The following ARMC10 variants were observed in gnomAD, a reference collection of about 807,000 sequenced individuals.
ARMC10 encodes armadillo repeat containing 10.
In ARMC10, 23 loss-of-function variants were observed where a neutral mutation model predicts 30.2. That is an observed-to-expected ratio of 0.76 (90% CI 0.55 to 1.08). The LOEUF (loss-of-function observed/expected upper bound fraction) is 1.08. Ranked by LOEUF, ARMC10 falls within the 50% of genes least tolerant of loss-of-function variation. ARMC10 has a pLI of 0.00. For synonymous variants in ARMC10, 111 were observed against 164.4 expected, an observed-to-expected ratio of 0.68 and a Z score of 2.48; for missense variants, 303 against 413.7, an observed-to-expected ratio of 0.73 and a Z score of 2.32.
chr7:103,095,160 G>C (rs1042262948), intron 5 of ARMC10, among the ~76,000 whole-genome samples: 1 of 152,174 alleles, frequency 6.6e-6, no homozygotes, highest in Non-Finnish European at 1.5e-5. Context: ...GATTGCAGTG[G>C]CATGATCTCT....
At chr7:103,081,448 T>G (rs1334218372) in intron 2 of ARMC10, among the ~76,000 whole-genome samples, 1 of 152,260 alleles carries the variant, frequency 6.6e-6, no homozygotes, top group Non-Finnish European at 1.5e-5. Context: ...CTCAGCTTAC[T>G]GCAACCTCTG....
chr7:103,077,855 T>C (rs929352065), intron 2 of ARMC10, among the ~76,000 whole-genome samples: 1 of 152,208 alleles, frequency 6.6e-6, no homozygotes, highest in African/African-American at 2.4e-5. Flanking sequence ...ATAATCATCA[T>C]TATCTTAGGT....
chr7:103,094,220 C>G (rs1469312917), intron 5 of ARMC10, among the ~76,000 whole-genome samples: 2 of 136,398 alleles, frequency 1.5e-5, no homozygotes, highest in Non-Finnish European at 3.4e-5. Context: ...TGATTGATAA[C>G]TTAATGCAGA....
At chr7:103,097,412 T>G (rs1801846399) in intron 6 of ARMC10, 64 bp downstream of exon 6, 2 of 1,211,092 alleles carry the variant, frequency 1.7e-6, no homozygotes, top group East Asian at 5.0e-5. Flanking sequence ...GACAGACAGA[T>G]CTGGAAAGAT....
intron 5 of ARMC10, among the ~76,000 whole-genome samples, chr7:103,094,300 G>A (rs1563330616): frequency 6.6e-6 from 1 of 152,152 alleles, no homozygotes; most frequent in East Asian, 1.9e-4. Flanking sequence ...GGTTTAAAAT[G>A]TCCTAGTGTC....
chr7:103,093,090 G>T (rs1333846778), intron 5 of ARMC10, among the ~76,000 whole-genome samples: 1 of 152,228 alleles, frequency 6.6e-6, no homozygotes, highest in Admixed American at 6.5e-5. Flanking sequence ...ACTCTGTCCA[G>T]TTAGGTTGAT....
chr7:103,081,943 T>C lies in ARMC10; in HGVS notation c.245-1739T>C, dbSNP rs1800420885. On this transcript the variant is annotated intron_variant, in intron 2 of 6. Coordinates refer to ENST00000323716, the MANE Select transcript of ARMC10 (RefSeq NM_031905.5). ...TTACTTGTAACTTTGATTTTTCATT[T>C]CTGTGGTTTCTGCTACTAACTACCC... is the stretch of plus-strand genomic sequence containing the variant. 6.6e-6 allele frequency: 3 copies of C among 456,534 alleles called. No individual in the cohort carries two copies. The East Asian group carries it at 2.1e-4, about 32-fold the overall frequency. The allele number at this position is 456,534 out of a possible 1,614,324, so 28.3% of individuals were successfully genotyped here.
intron 5 of ARMC10, chr7:103,095,941 G>C (rs1472531505): frequency 6.7e-6 from 1 of 149,010 alleles, no homozygotes; most frequent in Non-Finnish European, 1.5e-5. Context: ...TTGTGGGGTG[G>C]GGGGAGGGGG....
At chr7:103,097,823 G>A (rs1801882393) in intron 6 of ARMC10, among the ~76,000 whole-genome samples, 1 of 152,192 alleles carries the variant, frequency 6.6e-6, no homozygotes, top group Non-Finnish European at 1.5e-5. Flanking sequence ...GCTGTGATAA[G>A]TGTTCTGAAT....
In ARMC10 at chr7:103,083,914, C is replaced by G. The variant is rs935850072; in HGVS notation, c.393+84C>G. 5 of 1,536,376 alleles carry G rather than the reference C, an allele frequency of 3.3e-6. No individual in the cohort carries two copies. In the South Asian group the frequency reaches 4.7e-5, roughly 14 times the overall value. The stretch of plus-strand genomic sequence containing the variant: ...TGACCCTGAATAAATTACTTAACCT[C>G]TCAGACCCTCAATTTCCTCATCTGT... On this transcript the variant is annotated intron_variant, in intron 3 of 6. Coordinates refer to ENST00000323716, the MANE Select transcript of ARMC10 (RefSeq NM_031905.5).
chr7:103,081,494 C>T (rs1204379029), intron 2 of ARMC10, among the ~76,000 whole-genome samples: 2 of 152,194 alleles, frequency 1.3e-5, no homozygotes, highest in Non-Finnish European at 2.9e-5. Context: ...GCCTCGGCCT[C>T]CCGAGTACCT....
At chr7:103,077,545 A>G (rs1238415453) in intron 2 of ARMC10, among the ~76,000 whole-genome samples, 1 of 152,196 alleles carries the variant, frequency 6.6e-6, no homozygotes, top group Non-Finnish European at 1.5e-5. Flanking sequence ...TAAAGCCACC[A>G]GTCCTGCTCA....
At chr7:103,084,962 A>G (rs911106822) in intron 3 of ARMC10, among the ~76,000 whole-genome samples, 1 of 152,228 alleles carries the variant, frequency 6.6e-6, no homozygotes, top group African/African-American at 2.4e-5. Flanking sequence ...GCTAAGTAGC[A>G]GGGATGGCTG....
chr7:103,077,072 T>C (rs1037643471), intron 2 of ARMC10, among the ~76,000 whole-genome samples: 9 of 152,020 alleles, frequency 5.9e-5, no homozygotes, highest in Non-Finnish European at 1.3e-4. Context: ...TTTTTCCAAT[T>C]TTTTAGGAGA....
intron 5 of ARMC10, chr7:103,097,052 TTCTATGATAGGTTC>T (rs1801814540): frequency 7.1e-6 from 4 of 565,716 alleles, no homozygotes; most frequent in Non-Finnish European, 1.3e-5. Context: ...AATAACACTG[TTCTATGATAGGTTC>T]TCTAAGAGTG....
chr7:103,085,482 G>A (rs1001083476), intron 3 of ARMC10, among the ~76,000 whole-genome samples: 4 of 152,028 alleles, frequency 2.6e-5, no homozygotes, highest in Admixed American at 6.6e-5. Context: ...TTTTTCTTAC[G>A]AGAATTAAAG....
At position 103,075,370 on chromosome 7, in the gene ARMC10, G is replaced by T. The variant is rs765760923; in HGVS notation, c.98G>T (p.Arg33Leu). Residue 33 changes from arginine (R) to leucine (L), a missense_variant, in exon 1 of 7, where the codon CGG (arginine) becomes CTG (leucine). Around this residue, in one of 4 missense-constraint regions of ARMC10, gnomAD observed 96 missense variants for 84.2 expected, o/e 1.14. Coordinates refer to ENST00000323716, the MANE Select transcript of ARMC10 (RefSeq NM_031905.5). ...CIYRLTRGRR[R>L]GDRELGIRSS... ...TACAGGCTGACCCGGGGTCGGCGGC[G>T]GGGCGACCGCGAGCTCGGGATACGC... 3.9e-6 allele frequency: 5 copies of T among 1,281,838 alleles called. No individual in the cohort carries two copies. Among genetic ancestry groups the T allele is most frequent in the Admixed American group, 3.4e-5 (1 of 29,036 alleles). 79.4% of individuals were successfully genotyped at this position (1,281,838 alleles called of 1,614,324 possible).
chr7:103,092,853 C>T (rs996080094), intron 5 of ARMC10, among the ~76,000 whole-genome samples, 200 bp downstream of exon 5: 5 of 152,174 alleles, frequency 3.3e-5, no homozygotes, highest in African/African-American at 7.2e-5. Flanking sequence ...TCAACAGATT[C>T]CTGTTCATTT....
Position 103,097,345 on chromosome 7 carries a change from C to T in ARMC10, c.774C>T (p.Ala258=). The change falls in exon 6 of 7, where the codon GCC becomes GCT. Residue 258 remains alanine, a synonymous_variant. Coordinates refer to ENST00000323716, the MANE Select transcript of ARMC10 (RefSeq NM_031905.5). The part of the protein sequence containing the change: ...NPAMTEGLLR[A]QVDSSFLSLY... ...CCATGACAGAAGGACTTCTCCGTGC[C>T]CAAGTAAATAGCTTATATATTTATT... is the stretch of plus-strand genomic sequence containing the variant. 3 of 1,605,364 alleles carry T rather than the reference C, an allele frequency of 1.9e-6. No homozygotes were observed. Among genetic ancestry groups the T allele is most frequent in the Non-Finnish European group, 2.6e-6 (3 of 1,172,592 alleles).
Sources: gnomAD v4.1 joint callset for allele counts (sites outside exome capture counted in the v4.1 genomes callset) on GRCh38, gnomAD v4.1.1 for gene constraint, gnomAD v4.1.1 regional missense constraint, MANE v1.5 for transcripts, NCBI Gene and HGNC (gene_info 2026-07-23, HGNC 2026-07-21) for gene names.